The following SLC16A9 variants were observed in gnomAD, a reference collection of about 807,000 sequenced individuals.
SLC16A9 encodes solute carrier family 16 member 9, also known as monocarboxylate transporter 9.
A neutral mutation model predicts 44.3 loss-of-function variants in SLC16A9; 26 were observed. The observed-to-expected ratio is 0.59, with a 90% CI of 0.43 to 0.81. SLC16A9 has a LOEUF of 0.81. Ranked by LOEUF, SLC16A9 falls within the 40% of genes least tolerant of loss-of-function variation. The pLI is 0.00. For synonymous variants in SLC16A9, 230 were observed against 225.1 expected (o/e 1.02, Z -0.19); for missense variants, 559 against 595.8 (o/e 0.94, Z 0.64).
intron 1 of SLC16A9, among the ~76,000 whole-genome samples, chr10:59,701,969 A>C (rs1840533178): frequency 6.6e-6 from 1 of 152,250 alleles, no homozygotes; most frequent in Non-Finnish European, 1.5e-5. Flanking sequence ...TTATTACAAT[A>C]GATTGTTATT....
chr10:59,695,954 G>T (rs1007019271), intron 1 of SLC16A9, among the ~76,000 whole-genome samples: 2 of 152,148 alleles, frequency 1.3e-5, no homozygotes, highest in African/African-American at 4.8e-5. Context: ...TGAAGATGGG[G>T]TAGACAGGAA....
At chr10:59,661,758 G>A (rs1206909616) in intron 4 of SLC16A9, among the ~76,000 whole-genome samples, 1 of 25,626 alleles carries the variant, frequency 3.9e-5, no homozygotes, top group Admixed American at 4.5e-4. Flanking sequence ...ATACTACAAG[G>A]CTACAGTAGT....
rs1356507363 is a variant in SLC16A9, at chr10:59,651,353, C to A, written c.*1419G>T. ...TGCCTCCTATTTAAAGAACACTTGG[C>A]TATTGGTTTATAAAATCCCCTGACC... On this transcript the variant is annotated 3_prime_UTR_variant, in exon 6 of 6. Coordinates refer to ENST00000395348, the MANE Select transcript of SLC16A9 (RefSeq NM_194298.3). The A allele has an allele frequency of 6.6e-6, 1 of 152,068 alleles. No individual in the cohort carries two copies. The highest frequency in any genetic ancestry group is 2.4e-5 in the African/African-American group (1 of 41,406). The allele number at this position is 152,068 out of a possible 1,614,324, so 9.4% of individuals were successfully genotyped here. A position where few individuals can be genotyped will look rare whatever the true frequency, so the allele number is the denominator to read the frequency against.
At chr10:59,657,762 C>T (rs1303984320) in intron 4 of SLC16A9, among the ~76,000 whole-genome samples, 1 of 152,152 alleles carries the variant, frequency 6.6e-6, no homozygotes, top group Non-Finnish European at 1.5e-5. Context: ...CTTACACATA[C>T]ATCCCTTTCA....
intron 1 of SLC16A9, among the ~76,000 whole-genome samples, chr10:59,691,441 T>C (rs1490211300): frequency 6.6e-6 from 1 of 152,186 alleles, no homozygotes; most frequent in Non-Finnish European, 1.5e-5. Context: ...GAATTTGAAC[T>C]TGAACTTGTA....
At chr10:59,680,771 AG>A (rs1839967621) in intron 2 of SLC16A9, among the ~76,000 whole-genome samples, 1 of 152,086 alleles carries the variant, frequency 6.6e-6, no homozygotes, top group Admixed American at 6.6e-5. Context: ...CCTTGAGCCC[AG>A]GAGTTTGAGA....
At chr10:59,673,726 G>A (rs1313036258) in intron 2 of SLC16A9, among the ~76,000 whole-genome samples, 3 of 152,162 alleles carry the variant, frequency 2.0e-5, no homozygotes, top group Non-Finnish European at 4.4e-5. Context: ...TGCTGGCAGT[G>A]TTTACTAAAG....
chr10:59,703,043 A>C (rs1840559020), intron 1 of SLC16A9, among the ~76,000 whole-genome samples: 1 of 152,248 alleles, frequency 6.6e-6, no homozygotes, highest in African/African-American at 2.4e-5. Context: ...AAATATTTAG[A>C]GGAGCAGTTC....
Position 59,654,333 on chromosome 10 carries a change from G to T in SLC16A9, c.693C>A (p.Ser231Arg). The change falls in exon 5 of 6, where the codon AGC becomes AGA. Residue 231 changes from serine to arginine, a missense_variant. Physicochemically the swap from Ser to Arg is moderately radical, Grantham distance 110. Transcript: ENST00000395348. Reference protein sequence around the residue: ...LEENINILDKSYSSEEKCRIT... With the variant: ...LEENINILDKRYSSEEKCRIT... The stretch of plus-strand genomic sequence containing the variant: ...TCCTGCATTTTTCCTCACTACTGTA[G>T]CTCTTGTCAAGAATGTTTATGTTTT... 1 of 1,614,088 alleles carries T rather than the reference G, an allele frequency of 6.2e-7. No homozygotes were observed. The highest frequency in any genetic ancestry group is 8.5e-7 in the Non-Finnish European group (1 of 1,180,024).
In SLC16A9 at chr10:59,684,347, A is replaced by C; in HGVS notation, c.-36-20T>G. On this transcript the variant is annotated intron_variant, in intron 1 of 5. Transcript: ENST00000395348. ...CAGGTCCTAAACAAAAACAAACAGAAAAGAGAATCTTATTTAGAGTGTGGT... is the reference window on the plus strand; with the variant it reads ...CAGGTCCTAAACAAAAACAAACAGACAAGAGAATCTTATTTAGAGTGTGGT... 6.8e-7 allele frequency: 1 copy of C among 1,467,348 alleles called. No homozygotes were observed. Among genetic ancestry groups the C allele is most frequent in the Non-Finnish European group, 9.4e-7 (1 of 1,066,702 alleles). The allele number at this position is 1,467,348 out of a possible 1,614,324, so 90.9% of individuals were successfully genotyped here. A position where few individuals can be genotyped will look rare whatever the true frequency, so the allele number is the denominator to read the frequency against.
intron 4 of SLC16A9, among the ~76,000 whole-genome samples, chr10:59,661,831 C>T (rs1348182745): frequency 2.6e-5 from 4 of 151,172 alleles, no homozygotes; most frequent in African/African-American, 9.8e-5. Context: ...AATAACACCA[C>T]ACATATACAA....
At chr10:59,691,549 A>G (rs895279708) in intron 1 of SLC16A9, among the ~76,000 whole-genome samples, 2 of 152,200 alleles carry the variant, frequency 1.3e-5, no homozygotes, top group Non-Finnish European at 2.9e-5. Flanking sequence ...AATATTAACC[A>G]TAAGAAGATA....
rs150359913 is a variant in SLC16A9, at chr10:59,702,743, C to T, written c.-37+6736G>A. ...ACTGCAAATCCATTCATTATGTTTA[C>T]CTTTTTATTTTTTGGATCCATATAA... On this transcript the variant is annotated intron_variant, in intron 1 of 5. Coordinates refer to ENST00000395348, the MANE Select transcript of SLC16A9 (RefSeq NM_194298.3). Among the ~76,000 whole-genome samples, 275 of 152,242 alleles carry T rather than the reference C, an allele frequency of 1.8e-3. 2 individuals carry two copies. The highest frequency in any genetic ancestry group is 6.4e-3 in the African/African-American group (265 of 41,532).
Position 59,654,338 on chromosome 10 carries a change from T to C in SLC16A9, c.688A>G (p.Lys230Glu). 1 of 1,614,174 alleles carries C rather than the reference T, an allele frequency of 6.2e-7. No homozygotes were observed. Among genetic ancestry groups the C allele is most frequent in the Non-Finnish European group, 8.5e-7 (1 of 1,180,040 alleles). Reference sequence around the variant, plus strand: ...CATTTTTCCTCACTACTGTAGCTCTTGTCAAGAATGTTTATGTTTTCTTCC... The same window carrying C: ...CATTTTTCCTCACTACTGTAGCTCTCGTCAAGAATGTTTATGTTTTCTTCC... ...NLEENINILD[K>E]SYSSEEKCRI... Residue 230 changes from lysine (K) to glutamate (E), a missense_variant, in exon 5 of 6, where the codon AAG becomes GAG. Transcript: ENST00000395348.
At position 59,652,177 on chromosome 10, in the gene SLC16A9, T is replaced by C. The variant is rs987313164; in HGVS notation, c.*595A>G. On this transcript the variant is annotated 3_prime_UTR_variant, in exon 6 of 6. Transcript: ENST00000395348. ...CATGCGAGTACTTCAGTGAGGTAAA[T>C]AGAATAATGAAAACTGGTGACTGTA... 3.9e-5 allele frequency: 6 copies of C among 152,288 alleles called. No homozygotes were observed. Among genetic ancestry groups the C allele is most frequent in the East Asian group, 3.9e-4 (2 of 5,186 alleles). 9.4% of individuals were successfully genotyped at this position (152,288 alleles called of 1,614,324 possible).
chr10:59,693,899 G>A (rs964734625), intron 1 of SLC16A9, among the ~76,000 whole-genome samples: 11 of 149,838 alleles, frequency 7.3e-5, no homozygotes, highest in African/African-American at 2.7e-4. Context: ...TTACAGGCGT[G>A]AGCCACTGCA....
intron 3 of SLC16A9, among the ~76,000 whole-genome samples, chr10:59,670,507 C>A (rs192676652): frequency 1.3e-5 from 2 of 152,284 alleles, no homozygotes; most frequent in East Asian, 3.9e-4. Flanking sequence ...AGAAGGTTAA[C>A]CCACATGGTC....
intron 1 of SLC16A9, among the ~76,000 whole-genome samples, chr10:59,689,343 C>CT (rs1207265000): frequency 1.3e-5 from 2 of 152,178 alleles, no homozygotes; most frequent in African/African-American, 4.8e-5. Context: ...TTCATTTCTC[C>CT]TTTTTTGTAA....
intron 1 of SLC16A9, among the ~76,000 whole-genome samples, chr10:59,694,106 T>C (rs1191660559): frequency 4.0e-5 from 6 of 151,448 alleles, no homozygotes; most frequent in African/African-American, 1.5e-4. Context: ...CCCGGTAACT[T>C]TTTTTTGTAT....
Sources: gnomAD v4.1 joint callset for allele counts (sites outside exome capture counted in the v4.1 genomes callset) on GRCh38, gnomAD v4.1.1 for gene constraint, MANE v1.5 for transcripts, NCBI Gene and HGNC (gene_info 2026-07-23, HGNC 2026-07-21) for gene names.